CPT1B: variants seen among roughly 807,000 people sequenced by gnomAD.
CPT1B encodes carnitine palmitoyltransferase 1B, also known as carnitine O-palmitoyltransferase 1, muscle isoform.
A neutral mutation model predicts 92.7 loss-of-function variants in CPT1B; 57 were observed. That is an observed-to-expected ratio of 0.62 (90% CI 0.50 to 0.77). The LOEUF (loss-of-function observed/expected upper bound fraction) is 0.77. Among genes scored for constraint, CPT1B ranks in the 30% least tolerant of loss-of-function variants. The pLI is 0.00. For synonymous variants in CPT1B, 398 were observed against 383.5 expected (o/e 1.04, Z -0.44); for missense variants, 983 against 1,017.4 (o/e 0.97, Z 0.46).
chr22:50,577,174 G>A (rs1030536987), intron 3 of CPT1B, 140 bp from the exon 4 acceptor site: 1 of 1,369,280 alleles, frequency 7.3e-7, no homozygotes, highest in Admixed American at 2.0e-5. Flanking sequence ...AGCGGATGTA[G>A]GGCTAAGACA....
In CPT1B at chr22:50,573,664, C is replaced by T. The variant is rs756865565; in HGVS notation, c.1022G>A (p.Gly341Glu). The T allele has an allele frequency of 6.2e-7, 1 of 1,613,292 alleles. No individual in the cohort carries two copies. Residue 341 changes from glycine (G) to glutamate (E), a missense_variant, in exon 10 of 20, where the codon GGA (glycine) becomes GAA (glutamate). Gly to Glu is a moderately conservative substitution (Grantham distance 98, BLOSUM62 -2). Transcript: ENST00000312108. The surrounding 1 kb of genome is among the most constrained non-coding windows in gnomAD (Gnocchi z 5.0). ...DSRHVAVYHK[G>E]RFFKLWLYEG... ...ATAGAGCCACAGCTTGAAGAAGCGT[C>T]CCTTGTGGTAGACAGCCACGTGCCG...
rs765690915 is a variant in CPT1B, at chr22:50,572,886, G to C, written c.1341C>G (p.Asn447Lys). 1.8e-5 allele frequency: 29 copies of C among 1,605,600 alleles called. No individual in the cohort carries two copies. The highest frequency in any genetic ancestry group is 2.5e-5 in the Non-Finnish European group (29 of 1,173,024). ...SLYGKALLHG[N>K]CYNRWFDKSF... ...TGGGGCTGCCGTACCTGTTGTAGCA[G>C]TTGCCATGTAGCAGGGCCTTGCCAT... Residue 447 changes from asparagine to lysine, a missense_variant, in exon 11 of 20, where the codon AAC becomes AAG. By Grantham distance (94) the Asn-to-Lys change is moderately conservative. Transcript: ENST00000312108.
chr22:50,574,438 T>C lies in CPT1B; in HGVS notation c.886-19A>G, dbSNP rs2070338194. The stretch of plus-strand genomic sequence containing the variant: ...CCATCACCTGAGGGAAGGCCCAGCA[T>C]GGCTCAGACTCAGGTCTCCCCTCCC... On this transcript the variant is annotated intron_variant, in intron 8 of 19. Transcript: ENST00000312108. 2 of 1,613,998 alleles carry C rather than the reference T, an allele frequency of 1.2e-6. No individual in the cohort carries two copies. The highest frequency in any genetic ancestry group is 1.7e-6 in the Non-Finnish European group (2 of 1,179,896).
intron 3 of CPT1B, 38 bp downstream of exon 3, chr22:50,577,286 C>T (rs2070490198): frequency 6.2e-7 from 1 of 1,610,518 alleles, no homozygotes; most frequent in Non-Finnish European, 8.5e-7. Context: ...CCCAGCCCTC[C>T]CTGGTGGCAC....
Position 50,573,202 on chromosome 22 carries a change from G to A in CPT1B, c.1167-142C>T, listed in dbSNP as rs2070266840. ...GGTACCACGCTGGACCTGGAGATGT[G>A]GGGGTGCCAGGCTGGGCCTGGAGGT... On this transcript the variant is annotated intron_variant, in intron 10 of 19. Coordinates refer to ENST00000312108, the MANE Select transcript of CPT1B (RefSeq NM_152246.3). This position sits in a 1 kb window ranked among gnomAD's most constrained non-coding sequence, Gnocchi z 5.0. 5 of 716,594 alleles carry A rather than the reference G, an allele frequency of 7.0e-6. No individual in the cohort carries two copies. The highest frequency in any genetic ancestry group is 1.1e-5 in the Non-Finnish European group (5 of 442,088). 44.4% of individuals were successfully genotyped at this position (716,594 alleles called of 1,614,324 possible). A position where few individuals can be genotyped will look rare whatever the true frequency, so the allele number is the denominator to read the frequency against.
Position 50,573,234 on chromosome 22 carries a change from G to A in CPT1B, c.1167-174C>T. ...CCAGGCTGGGCCTGGAGGTGTTGGG[G>A]TGCGTGCCAGGCTGCGCCTGGAGGT... On this transcript the variant is annotated intron_variant, in intron 10 of 19. Transcript: ENST00000312108. The surrounding 1 kb of genome is among the most constrained non-coding windows in gnomAD (Gnocchi z 5.0). The A allele has an allele frequency of 1.6e-6, 1 of 624,960 alleles. No homozygotes were observed. Among genetic ancestry groups the A allele is most frequent in the Admixed American group, 3.0e-5 (1 of 33,830 alleles). 38.7% of individuals were successfully genotyped at this position (624,960 alleles called of 1,614,324 possible).
At chr22:50,574,454 C>G in intron 8 of CPT1B, 35 bp from the exon 9 acceptor site, 1 of 1,613,734 alleles carries the variant, frequency 6.2e-7, no homozygotes, top group Non-Finnish European at 8.5e-7. Flanking sequence ...AGACTCAGGT[C>G]TCCCCTCCCA....
chr22:50,575,951 G>T, intron 7 of CPT1B, 84 bp downstream of exon 7: 1 of 1,330,242 alleles, frequency 7.5e-7, no homozygotes, highest in Non-Finnish European at 1.1e-6. Flanking sequence ...TGCTACTAGA[G>T]CTCTGGGCTG....
At position 50,573,784 on chromosome 22, in the gene CPT1B, A is replaced by G. The variant is rs927591928; in HGVS notation, c.971-69T>C. On this transcript the variant is annotated intron_variant, in intron 9 of 19. Transcript: ENST00000312108. This position sits in a 1 kb window ranked among gnomAD's most constrained non-coding sequence, Gnocchi z 5.0. ...ACATCCTGGGAAGGGCCCACCTCCCATGCACTAGGTGACCCCTGCAGACCC... is the reference window on the plus strand; with the variant it reads ...ACATCCTGGGAAGGGCCCACCTCCCGTGCACTAGGTGACCCCTGCAGACCC... The G allele has an allele frequency of 1.8e-5, 25 of 1,406,678 alleles. No homozygotes were observed. Among genetic ancestry groups the G allele is most frequent in the Admixed American group, 5.7e-5 (3 of 52,852 alleles). 87.1% of individuals were successfully genotyped at this position (1,406,678 alleles called of 1,614,324 possible).
chr22:50,576,387 A>G, intron 5 of CPT1B, 52 bp from the exon 6 acceptor site: 1 of 1,612,024 alleles, frequency 6.2e-7, no homozygotes, highest in Non-Finnish European at 8.5e-7. Flanking sequence ...GGCTGCCTCT[A>G]TCTTAATCCT....
At position 50,577,019 on chromosome 22, in the gene CPT1B, C is replaced by G; in HGVS notation, c.297G>C (p.Gln99His). The G allele has an allele frequency of 1.2e-6, 2 of 1,613,972 alleles. No individual in the cohort carries two copies. Among genetic ancestry groups the G allele is most frequent in the Non-Finnish European group, 1.7e-6 (2 of 1,180,016 alleles). ...RCLPQGCGPY[Q>H]TPQTRALLSM... is the part of the protein sequence containing the mutation. Reference sequence around the variant, plus strand: ...TGAGAAGTGCCCGGGTCTGCGGGGTCTGGTAGGGGCCACACCTATTGGAGA... The same window carrying G: ...TGAGAAGTGCCCGGGTCTGCGGGGTGTGGTAGGGGCCACACCTATTGGAGA... The change falls in exon 4 of 20, where the codon CAG becomes CAC. Residue 99 changes from glutamine to histidine, a missense_variant. Physicochemically the swap from Gln to His is conservative, Grantham distance 24. Coordinates refer to ENST00000312108, the MANE Select transcript of CPT1B (RefSeq NM_152246.3).
chr22:50,577,842 C>T lies in CPT1B; in HGVS notation c.74G>A (p.Arg25Gln). The T allele has an allele frequency of 1.2e-6, 2 of 1,613,748 alleles. No individual in the cohort carries two copies. The highest frequency in any genetic ancestry group is 1.1e-5 in the South Asian group (1 of 91,080). ...TPDGVDFRLSREALKHVYLSG... is the reference protein window; with the variant it reads ...TPDGVDFRLSQEALKHVYLSG... The stretch of plus-strand genomic sequence containing the variant: ...CAGGTAGACGTGTTTCAGGGCCTCC[C>T]GACTGAGCCGGAAGTCGACCCCGTC... Residue 25 changes from arginine to glutamine, a missense_variant, in exon 2 of 20, where the codon CGG becomes CAG. By Grantham distance (43) the Arg-to-Gln change is conservative. Coordinates refer to ENST00000312108, the MANE Select transcript of CPT1B (RefSeq NM_152246.3).
Position 50,572,265 on chromosome 22 carries a change from G to A in CPT1B, c.1396C>T (p.Gln466Ter), listed in dbSNP as rs769853021. 3 of 1,613,930 alleles carry A rather than the reference G, an allele frequency of 1.9e-6. No individual in the cohort carries two copies. The highest frequency in any genetic ancestry group is 1.1e-5 in the South Asian group (1 of 91,084). The change falls in exon 12 of 20, where the codon CAG (glutamine) becomes TAG (stop). Residue 466 changes from glutamine (Q) to a stop codon, truncating the protein, a stop_gained. Coordinates refer to ENST00000312108, the MANE Select transcript of CPT1B (RefSeq NM_152246.3). LOFTEE classifies it high-confidence loss of function. ...GCATGCTCTGCATTGAGACCCAACT[G>A]GCCATTCTTGAAGGAAATGAGAGTG... ...SFTLISFKNGQLGLNAEHAWA... is the reference protein window; with the variant it reads ...SFTLISFKNG
Position 50,573,000 on chromosome 22 carries a change from C to T in CPT1B, c.1227G>A (p.Leu409=), listed in dbSNP as rs1469134739. Residue 409 remains leucine (L), a synonymous_variant, in exon 11 of 20, where the codon TTG becomes TTA. Transcript: ENST00000312108. ...AGAAAGCGGCACGCTCGATGGCCTC[C>T]AAGGCAGCCTTATTCTTTCCAGAGC... The part of the protein sequence containing the change: ...FFSSGKNKAA[L]EAIERAAFFV... 8.1e-6 allele frequency: 13 copies of T among 1,613,504 alleles called. No homozygotes were observed. The highest frequency in any genetic ancestry group is 1.0e-5 in the Non-Finnish European group (12 of 1,179,750).
chr22:50,569,126 G>GA (rs372720822), intron 19 of CPT1B, 45 bp from the exon 20 acceptor site: 32,200 of 424,900 alleles, frequency 0.076, 106 homozygotes, highest in Non-Finnish European at 0.089. Flanking sequence ...TATCTATCAA[G>GA]AAAAAAAAAA....
rs142560979 is a variant in CPT1B at position 50,571,498 on chromosome 22, C to T, written c.1617G>A (p.Ala539=). Residue 539 remains alanine, a synonymous_variant, in exon 14 of 20, where the codon GCG becomes GCA. Coordinates refer to ENST00000312108, the MANE Select transcript of CPT1B (RefSeq NM_152246.3). ...AGTACAACTCCACGTCGTCTGCCAA[C>T]GCCTTGGCCACCTGGTAGGAACTCT... is the stretch of plus-strand genomic sequence containing the variant. ...VIESSYQVAK[A]LADDVELYCF... The T allele has an allele frequency of 2.7e-4, 443 of 1,613,542 alleles. No homozygotes were observed. The highest frequency in any genetic ancestry group is 3.3e-4 in the Non-Finnish European group (395 of 1,180,024).
Position 50,569,042 on chromosome 22 carries a change from G to A in CPT1B, c.*42C>T, listed in dbSNP as rs1166052400. ...TGTGGTCTGAGCTGGGGGAGGGGGA[G>A]GGCCTCCGAGTTCCCAAACAAAACA... is the stretch of plus-strand genomic sequence containing the variant. On this transcript the variant is annotated 3_prime_UTR_variant, in exon 20 of 20. Coordinates refer to ENST00000312108, the MANE Select transcript of CPT1B (RefSeq NM_152246.3). The A allele has an allele frequency of 6.5e-6, 2 of 309,262 alleles. No individual in the cohort carries two copies. Among genetic ancestry groups the A allele is most frequent in the Non-Finnish European group, 1.2e-5 (2 of 163,818 alleles). The allele number at this position is 309,262 out of a possible 1,614,324, so 19.2% of individuals were successfully genotyped here. A position where few individuals can be genotyped will look rare whatever the true frequency, so the allele number is the denominator to read the frequency against.
chr22:50,577,082 T>A, intron 3 of CPT1B, 48 bp from the exon 4 acceptor site: 2 of 1,600,340 alleles, frequency 1.2e-6, no homozygotes, highest in Non-Finnish European at 1.7e-6. Flanking sequence ...GAGGCCAGCC[T>A]CGGGTGGCTG....
intron 14 of CPT1B, 28 bp from the exon 15 acceptor site, chr22:50,571,320 C>A (rs1477035917): frequency 1.2e-6 from 2 of 1,613,462 alleles, no homozygotes; most frequent in East Asian, 4.5e-5. Context: ...GTGAATCTGG[C>A]AGGTGGACCC....
Sources: allele counts gnomAD v4.1 joint callset, GRCh38; gene constraint gnomAD v4.1.1; non-coding constraint Gnocchi (gnomAD v3.1); transcripts MANE v1.5; gene names NCBI Gene and HGNC (gene_info 2026-07-23, HGNC 2026-07-21).